IQCH: variants seen among roughly 807,000 people sequenced by gnomAD.
IQCH encodes the protein IQ motif containing H.
In IQCH, 98 loss-of-function variants were observed where a neutral mutation model predicts 117.0. That is an observed-to-expected ratio of 0.84 (90% CI 0.71 to 0.99). The LOEUF is 0.99. IQCH is among the 50% of genes least tolerant of loss of function. The pLI is 0.00. For missense variants in IQCH, 1,102 were observed against 1,243.8 expected (o/e 0.89, Z 1.72); for synonymous variants, 412 against 448.2 (o/e 0.92, Z 1.02).
chr15:67,311,151 A>G (rs1967575014), intron 4 of IQCH, among the ~76,000 whole-genome samples: 1 of 152,116 alleles, frequency 6.6e-6, no homozygotes, highest in African/African-American at 2.4e-5. Flanking sequence ...GATTCAAATT[A>G]ATTATGAAAT....
At position 67,386,795 on chromosome 15, in the gene IQCH, T is replaced by C. The variant is rs529620754; in HGVS notation, c.1456+1776T>C. Among the ~76,000 whole-genome samples the C allele has an allele frequency of 1.6e-4, 25 of 152,220 alleles. No individual in the cohort carries two copies. Among genetic ancestry groups the C allele is most frequent in the African/African-American group, 5.8e-4 (24 of 41,552 alleles). On this transcript the variant is annotated intron_variant, in intron 11 of 20. Transcript: ENST00000335894. This position sits in a 1 kb window ranked among gnomAD's most constrained non-coding sequence, Gnocchi z 5.0. ...AAGTTTCATCTTCGTATCAATTCCTTTCCAAAATTACCTGTCAGTTAATTT... is the reference window on the plus strand; with the variant it reads ...AAGTTTCATCTTCGTATCAATTCCTCTCCAAAATTACCTGTCAGTTAATTT...
chr15:67,311,967 A>G (rs1485225917), intron 4 of IQCH, among the ~76,000 whole-genome samples: 1 of 152,192 alleles, frequency 6.6e-6, no homozygotes, highest in East Asian at 1.9e-4. Context: ...CTGCTCTGAA[A>G]TCATTCCAGG....
intron 16 of IQCH, among the ~76,000 whole-genome samples, chr15:67,421,973 C>T (rs186505915): frequency 1.5e-3 from 232 of 152,200 alleles, no homozygotes; most frequent in African/African-American, 5.3e-3. Flanking sequence ...GTGGCATGCA[C>T]CTGTAATTCC....
At chr15:67,306,727 A>G (rs1437507629) in intron 4 of IQCH, 58 of 844,354 alleles carry the variant, frequency 6.9e-5, no homozygotes, top group African/African-American at 1.5e-4. Context: ...TGTAAAATCA[A>G]TTTACCAAAA....
chr15:67,313,773 C>A (rs557910579), intron 4 of IQCH, among the ~76,000 whole-genome samples: 1 of 152,300 alleles, frequency 6.6e-6, no homozygotes, highest in Non-Finnish European at 1.5e-5. Context: ...TTAATGCAGA[C>A]AGCTTCTGAA....
rs77946863 is a variant in IQCH at position 67,370,520 on chromosome 15, C to A, written c.754-1591C>A. Reference sequence around the variant, plus strand: ...GCCATTTCTGTTGGAACATGTGCCACTTGTCTTCTACCAGGAGTGGCAGCC... The same window carrying A: ...GCCATTTCTGTTGGAACATGTGCCAATTGTCTTCTACCAGGAGTGGCAGCC... On this transcript the variant is annotated intron_variant, in intron 8 of 20. Coordinates refer to ENST00000335894, the MANE Select transcript of IQCH (RefSeq NM_001031715.3). The surrounding 1 kb of genome is among the most constrained non-coding windows in gnomAD (Gnocchi z 5.6). 3.2e-3 allele frequency among the ~76,000 whole-genome samples: 492 copies of A among 152,308 alleles called. 1 individual carries two copies. Among genetic ancestry groups the A allele is most frequent in the African/African-American group, 0.011 (476 of 41,562 alleles).
intron 8 of IQCH, chr15:67,371,549 A>G: frequency 1.4e-6 from 2 of 1,433,568 alleles, no homozygotes; most frequent in Admixed American, 1.8e-5. Flanking sequence ...AACATATAAC[A>G]TAATGTTCCT....
rs929512684 is a variant in IQCH, at chr15:67,425,869, C to G, written c.2505+4292C>G. Reference sequence around the variant, plus strand: ...TTCCTTCTCCACCTCTCATTTATGCCTGTAGGTCTGTATGTATTTATGTCA... The same window carrying G: ...TTCCTTCTCCACCTCTCATTTATGCGTGTAGGTCTGTATGTATTTATGTCA... On this transcript the variant is annotated intron_variant, in intron 16 of 20. Transcript: ENST00000335894. This position sits in a 1 kb window ranked among gnomAD's most constrained non-coding sequence, Gnocchi z 5.5. Among the ~76,000 whole-genome samples the G allele has an allele frequency of 2.0e-4, 31 of 152,202 alleles. No homozygotes were observed. The highest frequency in any genetic ancestry group is 7.5e-4 in the African/African-American group (31 of 41,512).
intron 15 of IQCH, among the ~76,000 whole-genome samples, chr15:67,419,286 A>C (rs527541834): frequency 2.6e-5 from 4 of 152,294 alleles, no homozygotes; most frequent in South Asian, 4.1e-4. Context: ...CATTTAAAAA[A>C]CCTGGTTCTT....
rs2140780332 is a variant in IQCH, at chr15:67,369,720, C to T, written c.754-2391C>T. On this transcript the variant is annotated intron_variant, in intron 8 of 20. Coordinates refer to ENST00000335894, the MANE Select transcript of IQCH (RefSeq NM_001031715.3). The surrounding 1 kb of genome is among the most constrained non-coding windows in gnomAD (Gnocchi z 5.2). ...ATGACCTTTAATCAGGGCTCTTATT[C>T]CTAGCAGGCTGTGAAGCAGCTTTGT... Among the ~76,000 whole-genome samples, 1 of 152,280 alleles carries T rather than the reference C, an allele frequency of 6.6e-6. No homozygotes were observed. Among genetic ancestry groups the T allele is most frequent in the Admixed American group, 6.5e-5 (1 of 15,286 alleles).
At chr15:67,428,191 TTAAAAC>T (rs2081936306) in intron 16 of IQCH, among the ~76,000 whole-genome samples, 2 of 152,110 alleles carry the variant, frequency 1.3e-5, no homozygotes, top group African/African-American at 4.8e-5. Flanking sequence ...TATGAAGACA[TTAAAAC>T]TAATGTTTTT....
chr15:67,499,978 G>T (rs2083936113), intron 20 of IQCH, among the ~76,000 whole-genome samples: 1 of 152,170 alleles, frequency 6.6e-6, no homozygotes, highest in South Asian at 2.1e-4. Flanking sequence ...ATGAAATGGG[G>T]AGTGACAGCT....
intron 12 of IQCH, among the ~76,000 whole-genome samples, chr15:67,389,768 A>G (rs1453196684): frequency 1.3e-5 from 2 of 151,994 alleles, no homozygotes; most frequent in East Asian, 3.9e-4. Flanking sequence ...AAATGCACCA[A>G]AGTCAACTGT....
At position 67,376,464 on chromosome 15, in the gene IQCH, A is replaced by T. The variant is rs1331796834; in HGVS notation, c.1372+3031A>T. ...GTAGGATTGTCTGGTTCAGGTAGGC[A>T]TTTAACACAAGTTGCAGCCTTGTCC... is the stretch of plus-strand genomic sequence containing the variant. On this transcript the variant is annotated intron_variant, in intron 10 of 20. Coordinates refer to ENST00000335894, the MANE Select transcript of IQCH (RefSeq NM_001031715.3). This position sits in a 1 kb window ranked among gnomAD's most constrained non-coding sequence, Gnocchi z 5.0. 1.3e-5 allele frequency among the ~76,000 whole-genome samples: 2 copies of T among 152,218 alleles called. No individual in the cohort carries two copies. Among genetic ancestry groups the T allele is most frequent in the Non-Finnish European group, 2.9e-5 (2 of 68,020 alleles).
intron 4 of IQCH, among the ~76,000 whole-genome samples, chr15:67,298,777 A>T (rs906858298): frequency 1.3e-5 from 2 of 152,100 alleles, no homozygotes; most frequent in Non-Finnish European, 2.9e-5. Flanking sequence ...GAGGCACAAG[A>T]ATCACATGAA....
At chr15:67,341,911 T>C (rs1256518557) in intron 5 of IQCH, among the ~76,000 whole-genome samples, 2 of 152,178 alleles carry the variant, frequency 1.3e-5, no homozygotes, top group African/African-American at 2.4e-5. Flanking sequence ...GACATTCTTA[T>C]CAGATTTCTA....
chr15:67,409,322 C>A (rs145693525), intron 14 of IQCH, among the ~76,000 whole-genome samples: 2 of 152,066 alleles, frequency 1.3e-5, no homozygotes, highest in African/African-American at 2.4e-5. Context: ...CAGCATGCAG[C>A]GCGCACAGGG....
At chr15:67,330,473 G>A (rs1454961482) in intron 4 of IQCH, among the ~76,000 whole-genome samples, 1 of 152,086 alleles carries the variant, frequency 6.6e-6, no homozygotes, top group Non-Finnish European at 1.5e-5. Flanking sequence ...TGCCTCCCCA[G>A]GGAATTTTCT....
chr15:67,376,974 G>C lies in IQCH; in HGVS notation c.1372+3541G>C, dbSNP rs1970756631. On this transcript the variant is annotated intron_variant, in intron 10 of 20. Coordinates refer to ENST00000335894, the MANE Select transcript of IQCH (RefSeq NM_001031715.3). This position sits in a 1 kb window ranked among gnomAD's most constrained non-coding sequence, Gnocchi z 5.0. ...TCTACTAAAAATACAAAAATTAGCT[G>C]GGTGTGGTGGCACGCACCTGTAGTC... Among the ~76,000 whole-genome samples, 1 of 151,912 alleles carries C rather than the reference G, an allele frequency of 6.6e-6. No homozygotes were observed. Among genetic ancestry groups the C allele is most frequent in the South Asian group, 2.1e-4 (1 of 4,812 alleles).
Sources: gnomAD v4.1 joint callset for allele counts (sites outside exome capture counted in the v4.1 genomes callset) on GRCh38, gnomAD v4.1.1 for gene constraint, Gnocchi (gnomAD v3.1) non-coding constraint, MANE v1.5 for transcripts, NCBI Gene and HGNC (gene_info 2026-07-23, HGNC 2026-07-21) for gene names.